Variants in CALN1 observed in about 807,000 individuals in gnomAD.
CALN1 encodes the protein calneuron 1.
Under a neutral mutation model 30.6 loss-of-function variants are expected in CALN1, and 17 were observed. That is an observed-to-expected ratio of 0.56 (90% CI 0.38 to 0.83). The LOEUF (loss-of-function observed/expected upper bound fraction) is 0.83. CALN1 is among the 40% of genes least tolerant of loss of function. The pLI, the probability that CALN1 is intolerant of heterozygous loss-of-function variation, is 0.00. For synonymous variants in CALN1, 156 were observed against 131.4 expected (o/e 1.19, Z -1.28); for missense variants, 291 against 354.9 (o/e 0.82, Z 1.45).
chr7:71,875,743 T>A (rs1792205338), intron 5 of CALN1, among the ~76,000 whole-genome samples: 1 of 146,946 alleles, frequency 6.8e-6, no homozygotes, highest in African/African-American at 2.7e-5. Flanking sequence ...GGGGCCCAGC[T>A]AGGTTCTTAT....
intron 3 of CALN1, among the ~76,000 whole-genome samples, chr7:72,180,581 T>C (rs1267104307): frequency 6.6e-6 from 1 of 151,246 alleles, no homozygotes; most frequent in Admixed American, 6.6e-5. Context: ...CTTGGGCTAT[T>C]TGAAATACTG....
At chr7:72,433,877 C>T (rs1808057316) in intron 1 of CALN1, among the ~76,000 whole-genome samples, 1 of 151,536 alleles carries the variant, frequency 6.6e-6, no homozygotes, top group Non-Finnish European at 1.5e-5. Flanking sequence ...GGCAACATAA[C>T]AAGGCCCCAT....
chr7:72,449,557 C>T (rs529921817), upstream of CALN1, among the ~76,000 whole-genome samples: 3 of 152,104 alleles, frequency 2.0e-5, no homozygotes, highest in South Asian at 2.1e-4. Flanking sequence ...CCCCACTGGC[C>T]GGAAAATCTT....
chr7:72,051,283 TA>T (rs1802821939), intron 4 of CALN1, among the ~76,000 whole-genome samples: 1 of 151,924 alleles, frequency 6.6e-6, no homozygotes, highest in Non-Finnish European at 1.5e-5. Context: ...TGAGAAAAGC[TA>T]TGCAGCCACA....
chr7:71,878,804 C>A lies in CALN1; in HGVS notation c.502-68312G>T, dbSNP rs1176508002. On this transcript the variant is annotated intron_variant, in intron 5 of 6. Coordinates refer to ENST00000395275, the MANE Select transcript of CALN1 (RefSeq NM_031468.4). ...CAACTGTGCCAGTCAAAAGGAATGA[C>A]CCCTGCTGTCCTTCCCTCCACGCCA... Among the ~76,000 whole-genome samples, 3 of 152,164 alleles carry A rather than the reference C, an allele frequency of 2.0e-5. No homozygotes were observed. The South Asian group carries it at 6.2e-4, about 32-fold the overall frequency.
chr7:71,866,315 G>A lies in CALN1; in HGVS notation c.502-55823C>T, dbSNP rs556949726. Among the ~76,000 whole-genome samples the A allele has an allele frequency of 1.4e-3, 209 of 151,870 alleles. 1 individual carries two copies. Among genetic ancestry groups the A allele is most frequent in the Admixed American group, 3.0e-3 (46 of 15,244 alleles). ...AGGCACCGCGCCCAGCCAATACCAG[G>A]CCAGTTTTATATGTTTATTATATAT... On this transcript the variant is annotated intron_variant, in intron 5 of 6. Coordinates refer to ENST00000395275, the MANE Select transcript of CALN1 (RefSeq NM_031468.4).
At chr7:71,820,120 G>A (rs1291083824) in intron 5 of CALN1, among the ~76,000 whole-genome samples, 1 of 152,168 alleles carries the variant, frequency 6.6e-6, no homozygotes, top group African/African-American at 2.4e-5. Flanking sequence ...TCTGCAGCCT[G>A]CAACCTGGAG....
At chr7:72,014,085 C>G (rs1382860362) in intron 5 of CALN1, among the ~76,000 whole-genome samples, 2 of 123,398 alleles carry the variant, frequency 1.6e-5, no homozygotes, top group South Asian at 5.2e-4. Flanking sequence ...TGAGTTGGCT[C>G]TTTTTTTTTT....
In CALN1 at chr7:72,155,070, ATAAT is replaced by A. The variant is rs1219963657; in HGVS notation, c.245-48780_245-48777del. Among the ~76,000 whole-genome samples, 8 of 152,036 alleles carry A rather than the reference ATAAT, an allele frequency of 5.3e-5. No individual in the cohort carries two copies. The South Asian group carries it at 6.2e-4, about 12-fold the overall frequency. On this transcript the variant is annotated intron_variant, in intron 3 of 6. Transcript: ENST00000395275. ...TGATCATGTCTCTAAAAAAATAATG[ATAAT>A]TAATTAATTTTTAAAAAGAAAAGGA...
chr7:72,354,343 G>A (rs749795227), intron 2 of CALN1, among the ~76,000 whole-genome samples: 42 of 152,298 alleles, frequency 2.8e-4, no homozygotes, highest in Middle Eastern at 6.8e-3. Context: ...CATGTTAATG[G>A]ATTAGAGGTT....
At chr7:72,403,808 C>T (rs1219928757) in intron 1 of CALN1, among the ~76,000 whole-genome samples, 2 of 152,232 alleles carry the variant, frequency 1.3e-5, no homozygotes, top group East Asian at 3.8e-4. Context: ...TTGCCAGCAT[C>T]ATTTGTTTCC....
At chr7:72,026,117 T>C (rs990393204) in intron 4 of CALN1, among the ~76,000 whole-genome samples, 1 of 152,216 alleles carries the variant, frequency 6.6e-6, no homozygotes, top group African/African-American at 2.4e-5. Context: ...CGAGTTACCA[T>C]CTTGCCTTCA....
At chr7:72,092,694 A>C (rs1805955333) in intron 4 of CALN1, among the ~76,000 whole-genome samples, 1 of 148,154 alleles carries the variant, frequency 6.7e-6, no homozygotes, top group African/African-American at 2.5e-5. Flanking sequence ...GTTGTTCACC[A>C]AGTATTTCTA....
chr7:72,204,869 T>C (rs972153153), intron 3 of CALN1, among the ~76,000 whole-genome samples: 1 of 152,170 alleles, frequency 6.6e-6, no homozygotes, highest in African/African-American at 2.4e-5. Flanking sequence ...AAAAATGAAA[T>C]TGCTGGGTCC....
At chr7:72,166,134 G>A (rs1385168377) in intron 3 of CALN1, among the ~76,000 whole-genome samples, 2 of 152,148 alleles carry the variant, frequency 1.3e-5, no homozygotes, top group Non-Finnish European at 2.9e-5. Context: ...TTAGAAGAAA[G>A]CTTATATTTT....
Position 71,831,482 on chromosome 7 carries a change from A to C in CALN1, c.502-20990T>G, listed in dbSNP as rs780456788. ...GCAACAGAGCAAGACCCTGTCTCAA[A>C]ATAATTAATTAATTAAAAGAATAAT... On this transcript the variant is annotated intron_variant, in intron 5 of 6. Coordinates refer to ENST00000395275, the MANE Select transcript of CALN1 (RefSeq NM_031468.4). 4.6e-5 allele frequency among the ~76,000 whole-genome samples: 7 copies of C among 152,306 alleles called. No individual in the cohort carries two copies. In the Middle Eastern group the frequency reaches 0.014, roughly 296 times the overall value.
Position 72,139,848 on chromosome 7 carries a change from C to G in CALN1, c.245-33554G>C, listed in dbSNP as rs186390610. On this transcript the variant is annotated intron_variant, in intron 3 of 6. Coordinates refer to ENST00000395275, the MANE Select transcript of CALN1 (RefSeq NM_031468.4). ...CTATGTTGCTACTTCCCTTATCTCT[C>G]TTTGCAAATGACAAACACCTATTTA... 6.3e-3 allele frequency among the ~76,000 whole-genome samples: 960 copies of G among 152,322 alleles called. 7 individuals carry two copies. Among genetic ancestry groups the G allele is most frequent in the African/African-American group, 0.022 (921 of 41,562 alleles).
intron 1 of CALN1, among the ~76,000 whole-genome samples, chr7:72,406,805 C>T (rs1349279874): frequency 4.0e-5 from 6 of 151,848 alleles, no homozygotes; most frequent in Non-Finnish European, 8.8e-5. Context: ...TTAGTAGAGA[C>T]GGGTTTCACC....
intron 5 of CALN1, among the ~76,000 whole-genome samples, chr7:71,812,169 C>T (rs919316991): frequency 1.3e-5 from 2 of 152,238 alleles, no homozygotes; most frequent in African/African-American, 2.4e-5. Flanking sequence ...GGAACACCTA[C>T]AGCTGAATCA....
Sources: gnomAD v4.1 joint callset for allele counts (sites outside exome capture counted in the v4.1 genomes callset) on GRCh38, gnomAD v4.1.1 for gene constraint, MANE v1.5 for transcripts, NCBI Gene and HGNC (gene_info 2026-07-23, HGNC 2026-07-21) for gene names.